Variants in BICD1 observed in about 807,000 individuals in gnomAD.
BICD1 encodes the protein BICD cargo adaptor 1, also known as protein bicaudal D homolog 1.
A neutral mutation model predicts 92.5 loss-of-function variants in BICD1; 35 were observed. That is an observed-to-expected ratio of 0.38 (90% CI 0.29 to 0.50). The LOEUF (loss-of-function observed/expected upper bound fraction) is 0.50, where lower values mean the gene tolerates loss of function less well. Among genes scored for constraint, BICD1 ranks in the 20% least tolerant of loss-of-function variants. The pLI, the probability that BICD1 is intolerant of heterozygous loss-of-function variation, is 0.93. For missense variants in BICD1, 950 were observed against 1,189.8 expected (o/e 0.80, Z 2.97); for synonymous variants, 429 against 465.1 (o/e 0.92, Z 1.00).
intron 2 of BICD1, among the ~76,000 whole-genome samples, chr12:32,256,160 C>T (rs1213949358): frequency 6.6e-6 from 1 of 152,214 alleles, no homozygotes; most frequent in South Asian, 2.1e-4. Context: ...TCAAGCAATC[C>T]TCCTGTCTCA....
At chr12:32,301,812 A>G (rs1186518020) in intron 3 of BICD1, among the ~76,000 whole-genome samples, 1 of 152,116 alleles carries the variant, frequency 6.6e-6, no homozygotes, top group Non-Finnish European at 1.5e-5. Context: ...TGGAAAAGGA[A>G]CAGCCAGTGC....
Position 32,248,903 on chromosome 12 carries a change from C to T in BICD1, c.426+32444C>T, listed in dbSNP as rs143913590. On this transcript the variant is annotated intron_variant, in intron 2 of 9. Transcript: ENST00000652176. The stretch of plus-strand genomic sequence containing the variant: ...GCGGCTCCACCCCATCCTTCCAGTG[C>T]GCATGTGGGCCCTTAGGGTGAGCCA... Among the ~76,000 whole-genome samples the T allele has an allele frequency of 3.5e-4, 53 of 152,308 alleles. No homozygotes were observed. In the East Asian group the frequency reaches 6.0e-3, roughly 17 times the overall value.
At chr12:32,231,746 C>T (rs1404826076) in intron 2 of BICD1, among the ~76,000 whole-genome samples, 2 of 133,060 alleles carry the variant, frequency 1.5e-5, no homozygotes, top group Non-Finnish European at 3.2e-5. Flanking sequence ...CCCCTCCCCC[C>T]ACCCCACAAC....
intron 4 of BICD1, among the ~76,000 whole-genome samples, chr12:32,311,756 C>T (rs1400828010): frequency 6.6e-6 from 1 of 152,066 alleles, no homozygotes; most frequent in Non-Finnish European, 1.5e-5. Context: ...TCTTATTGCA[C>T]TTAGAAGGGT....
At chr12:32,310,420 G>A (rs1948342011) in intron 4 of BICD1, among the ~76,000 whole-genome samples, 1 of 150,878 alleles carries the variant, frequency 6.6e-6, no homozygotes, top group African/African-American at 2.5e-5. Flanking sequence ...TTGTGAGTAA[G>A]GCAGCTGTGC....
intron 1 of BICD1, among the ~76,000 whole-genome samples, chr12:32,131,539 A>T (rs1014681921): frequency 6.6e-6 from 1 of 152,202 alleles, no homozygotes; most frequent in Non-Finnish European, 1.5e-5. Flanking sequence ...AAACAGTTGC[A>T]TGGTGATTTG....
At chr12:32,305,612 G>T in intron 3 of BICD1, 85 bp from the exon 4 acceptor site, 1 of 1,222,014 alleles carries the variant, frequency 8.2e-7, no homozygotes. Context: ...TTTGTTAAGT[G>T]ATTAGGTCCA....
chr12:32,259,066 A>G (rs888203599), intron 2 of BICD1, among the ~76,000 whole-genome samples: 2 of 152,234 alleles, frequency 1.3e-5, no homozygotes, highest in Admixed American at 1.3e-4. Context: ...TTGACCAGGG[A>G]GCCCTCAAGT....
chr12:32,117,758 ATT>A (rs1180018434), intron 1 of BICD1, among the ~76,000 whole-genome samples: 61 of 107,908 alleles, frequency 5.7e-4, no homozygotes, highest in African/African-American at 1.7e-3. Flanking sequence ...ATATATATAT[ATT>A]TTTTTTTAAG....
intron 8 of BICD1, among the ~76,000 whole-genome samples, chr12:32,341,902 A>C (rs1938379825): frequency 6.6e-6 from 1 of 151,984 alleles, no homozygotes; most frequent in African/African-American, 2.4e-5. Context: ...CTTTTCAATA[A>C]GCCAAGAAAG....
chr12:32,309,256 T>C (rs1948313244), intron 4 of BICD1, among the ~76,000 whole-genome samples: 1 of 152,198 alleles, frequency 6.6e-6, no homozygotes, highest in Non-Finnish European at 1.5e-5. Flanking sequence ...GTCTGATCAA[T>C]GAGAGTACTG....
chr12:32,307,307 C>A (rs192583163), intron 4 of BICD1, among the ~76,000 whole-genome samples: 3 of 152,242 alleles, frequency 2.0e-5, no homozygotes, highest in Admixed American at 2.0e-4. Context: ...ATGAGTTAAA[C>A]CTTAAATTTT....
At chr12:32,127,892 G>T (rs947873501) in intron 1 of BICD1, among the ~76,000 whole-genome samples, 2 of 150,292 alleles carry the variant, frequency 1.3e-5, no homozygotes, top group African/African-American at 2.4e-5. Context: ...ATCTTATTGG[G>T]GCTGTGATCT....
intron 3 of BICD1, among the ~76,000 whole-genome samples, chr12:32,297,344 G>C (rs1484469393): frequency 6.6e-6 from 1 of 152,086 alleles, no homozygotes; most frequent in Non-Finnish European, 1.5e-5. Flanking sequence ...TTACAGGCGT[G>C]TGCCACCATG....
chr12:32,267,380 T>G (rs536229199), intron 2 of BICD1, among the ~76,000 whole-genome samples: 5 of 152,378 alleles, frequency 3.3e-5, no homozygotes, highest in African/African-American at 1.2e-4. Context: ...TTTTGTTTTG[T>G]ATTTTAATTA....
intron 8 of BICD1, among the ~76,000 whole-genome samples, chr12:32,367,058 A>C (rs548568543): frequency 2.0e-5 from 3 of 152,346 alleles, no homozygotes; most frequent in Admixed American, 1.3e-4. Context: ...CCAAGTCACT[A>C]ACAATTTACT....
chr12:32,282,755 T>C (rs2046588), intron 2 of BICD1, among the ~76,000 whole-genome samples: 8,376 of 152,154 alleles, frequency 0.055, 751 homozygotes, highest in African/African-American at 0.19. Flanking sequence ...TTCAGATGTC[T>C]GGGAAGCCAC....
intron 6 of BICD1, among the ~76,000 whole-genome samples, chr12:32,336,924 C>T (rs1212163232): frequency 6.6e-6 from 1 of 152,112 alleles, no homozygotes; most frequent in African/African-American, 2.4e-5. Context: ...CCAGTCTGGG[C>T]AACACAGTGA....
intron 1 of BICD1, among the ~76,000 whole-genome samples, chr12:32,143,970 AC>A (rs1943029891): frequency 6.6e-6 from 1 of 152,158 alleles, no homozygotes; most frequent in African/African-American, 2.4e-5. Context: ...TTCAAATGTT[AC>A]CTGTCTTTTC....
Sources: gnomAD v4.1 joint callset for allele counts (sites outside exome capture counted in the v4.1 genomes callset) on GRCh38, gnomAD v4.1.1 for gene constraint, MANE v1.5 for transcripts, NCBI Gene and HGNC (gene_info 2026-07-23, HGNC 2026-07-21) for gene names.